The following FBXO43 variants were observed in gnomAD, a reference collection of about 807,000 sequenced individuals.
FBXO43 encodes the protein F-box only protein 43.
FBXO43 carries 22 observed loss-of-function variants against 56.7 expected under a neutral mutation model. The observed-to-expected ratio is 0.39, with a 90% CI of 0.28 to 0.55. The LOEUF (loss-of-function observed/expected upper bound fraction) is 0.55, where lower values mean the gene tolerates loss of function less well. FBXO43 is among the 20% of genes least tolerant of loss of function. The pLI is 0.66. For synonymous variants in FBXO43, 306 were observed against 294.5 expected (o/e 1.04, Z -0.40); for missense variants, 733 against 814.9 (o/e 0.90, Z 1.22).
intron 1 of FBXO43, among the ~76,000 whole-genome samples, chr8:100,143,333 AT>A (rs1357939982): frequency 2.6e-5 from 4 of 152,224 alleles, no homozygotes; most frequent in Non-Finnish European, 5.9e-5. Context: ...ACAGTAATTT[AT>A]TTATGCTTAA....
intron 1 of FBXO43, 122 bp downstream of exon 1, chr8:100,144,929 C>CA (rs201867301): frequency 0.13 from 115,039 of 869,164 alleles, 742 homozygotes; most frequent in African/African-American, 0.26. Flanking sequence ...GACTCCGTCT[C>CA]AAAAAAAAAA....
At position 100,137,638 on chromosome 8, in the gene FBXO43, T is replaced by C. The variant is rs1223060157; in HGVS notation, c.1601A>G (p.Glu534Gly). 1 of 1,613,218 alleles carries C rather than the reference T, an allele frequency of 6.2e-7. No homozygotes were observed. The highest frequency in any genetic ancestry group is 8.5e-7 in the Non-Finnish European group (1 of 1,179,640). Residue 534 changes from glutamate (E) to glycine (G), a missense_variant, in exon 3 of 5, where the codon GAA becomes GGA. Coordinates refer to ENST00000428847, the MANE Select transcript of FBXO43 (RefSeq NM_001029860.4). ...TGCATTTTTATCTTGAACAACAATT[T>C]CACGCCAATTTCTGCTTACTTTCCA... ...SVWKVSRNWR[E>G]IVVQDKNANR...
chr8:100,150,061 G>C (rs550179211), upstream of FBXO43, among the ~76,000 whole-genome samples: 17 of 152,120 alleles, frequency 1.1e-4, no homozygotes. Flanking sequence ...AGATTTAAGA[G>C]GGAGTTGTTC....
chr8:100,141,061 T>A lies in FBXO43; in HGVS notation c.1193A>T (p.Glu398Val). The change falls in exon 2 of 5, where the codon GAG (glutamate) becomes GTG (valine). Residue 398 changes from glutamate to valine, a missense_variant. Glu to Val is a moderately radical substitution (Grantham distance 121). Transcript: ENST00000428847. ...REQSSQSETEEEKQIVHPDSE... is the reference protein window; with the variant it reads ...REQSSQSETEVEKQIVHPDSE... ...GTCAGGGTGGACAATCTGCTTTTCCTCTTCTGTCTCTGACTGCGAGCTTTG... is the reference window on the plus strand; with the variant it reads ...GTCAGGGTGGACAATCTGCTTTTCCACTTCTGTCTCTGACTGCGAGCTTTG... The A allele has an allele frequency of 6.2e-7, 1 of 1,614,222 alleles. No homozygotes were observed. The highest frequency in any genetic ancestry group is 1.3e-5 in the African/African-American group (1 of 75,058).
rs774405665 is a variant in FBXO43, at chr8:100,141,732, A to T, written c.522T>A (p.Ser174Arg). 4.4e-6 allele frequency: 7 copies of T among 1,598,654 alleles called. No homozygotes were observed. Among genetic ancestry groups the T allele is most frequent in the Non-Finnish European group, 2.6e-6 (3 of 1,171,110 alleles). Residue 174 changes from serine to arginine, a missense_variant, in exon 2 of 5, where the codon AGT becomes AGA. Ser to Arg is a moderately radical substitution (Grantham distance 110). Coordinates refer to ENST00000428847, the MANE Select transcript of FBXO43 (RefSeq NM_001029860.4). ...LLKGDFESQN[S>R]SLESSISQVI... ...CTTGGCTTATACTACTTTCTAAAGA[A>T]CTATTTTGTGATTCAAAGTCCCCTT...
At chr8:100,144,626 A>C (rs1814761736) in intron 1 of FBXO43, among the ~76,000 whole-genome samples, 1 of 144,484 alleles carries the variant, frequency 6.9e-6, no homozygotes, top group Admixed American at 6.8e-5. Context: ...AGTGTTCTTT[A>C]AGAAAAAAAA....
chr8:100,139,249 A>G (rs1193553903), intron 2 of FBXO43, among the ~76,000 whole-genome samples: 2 of 152,106 alleles, frequency 1.3e-5, no homozygotes, highest in Non-Finnish European at 1.5e-5. Flanking sequence ...CATACAATTA[A>G]TGTATGGAGG....
At chr8:100,143,368 T>C (rs1814717311) in intron 1 of FBXO43, among the ~76,000 whole-genome samples, 1 of 152,234 alleles carries the variant, frequency 6.6e-6, no homozygotes, top group African/African-American at 2.4e-5. Context: ...TATGAGTGAA[T>C]GATCTTTGTT....
intron 2 of FBXO43, among the ~76,000 whole-genome samples, chr8:100,138,492 A>T (rs920304329): frequency 2.6e-5 from 4 of 152,198 alleles, no homozygotes; most frequent in Non-Finnish European, 4.4e-5. Flanking sequence ...AAGTCACCCA[A>T]TGATGGGGAA....
Position 100,137,636 on chromosome 8 carries a change from T to C in FBXO43, c.1603A>G (p.Ile535Val). Reference protein sequence around the residue: ...VWKVSRNWREIVVQDKNANRR... With the variant: ...VWKVSRNWREVVVQDKNANRR... ...TTTGCATTTTTATCTTGAACAACAA[T>C]TTCACGCCAATTTCTGCTTACTTTC... is the stretch of plus-strand genomic sequence containing the variant. The change falls in exon 3 of 5, where the codon ATT becomes GTT. Residue 535 changes from isoleucine to valine, a missense_variant. Physicochemically the swap from Ile to Val is conservative, Grantham distance 29. Transcript: ENST00000428847. The C allele has an allele frequency of 6.2e-7, 1 of 1,613,156 alleles. No homozygotes were observed. The highest frequency in any genetic ancestry group is 8.5e-7 in the Non-Finnish European group (1 of 1,179,642).
upstream of FBXO43, among the ~76,000 whole-genome samples, chr8:100,149,467 C>T (rs1475192094): frequency 6.6e-6 from 1 of 152,204 alleles, no homozygotes; most frequent in Non-Finnish European, 1.5e-5. Flanking sequence ...TATTAGATCA[C>T]CTCTTTGGTT....
chr8:100,144,955 A>T, intron 1 of FBXO43, 96 bp downstream of exon 1: 1 of 1,358,446 alleles, frequency 7.4e-7, no homozygotes. Flanking sequence ...AAGAAAAAAG[A>T]AAAAGAAAAA....
At chr8:100,144,942 A>T in intron 1 of FBXO43, 109 bp downstream of exon 1, 2 of 1,290,694 alleles carry the variant, frequency 1.5e-6, no homozygotes, top group Non-Finnish European at 2.1e-6. Context: ...AAAAAAAAAA[A>T]GAAAGAAAAA....
chr8:100,139,878 G>A (rs899052065), intron 2 of FBXO43, among the ~76,000 whole-genome samples: 1 of 152,138 alleles, frequency 6.6e-6, no homozygotes, highest in African/African-American at 2.4e-5. Flanking sequence ...TAAAATGAAA[G>A]CTAACGATTG....
Position 100,141,788 on chromosome 8 carries a change from T to G in FBXO43, c.466A>C (p.Arg156=), listed in dbSNP as rs1349377604. The G allele has an allele frequency of 1.3e-6, 2 of 1,584,658 alleles. No individual in the cohort carries two copies. Among genetic ancestry groups the G allele is most frequent in the Non-Finnish European group, 1.7e-6 (2 of 1,168,110 alleles). ...AGAGCGAAAGATACATTCAACCTTC[T>G]GCGAGGTAAACATTTTTTCCCACTG... is the stretch of plus-strand genomic sequence containing the variant. ...KISGKKCLPR[R]RLNVSFALLK... Residue 156 remains arginine, a synonymous_variant, in exon 2 of 5, where the codon AGA becomes CGA. Coordinates refer to ENST00000428847, the MANE Select transcript of FBXO43 (RefSeq NM_001029860.4).
At chr8:100,142,362 A>G (rs1470256295) in intron 1 of FBXO43, among the ~76,000 whole-genome samples, 194 bp from the exon 2 acceptor site, 3 of 152,238 alleles carry the variant, frequency 2.0e-5, no homozygotes, top group Non-Finnish European at 4.4e-5. Context: ...TCTTGACATC[A>G]CAAAGCCAAA....
intron 2 of FBXO43, 66 bp from the exon 3 acceptor site, chr8:100,137,733 C>A: frequency 8.6e-7 from 1 of 1,156,892 alleles, no homozygotes; most frequent in Non-Finnish European, 1.2e-6. Flanking sequence ...GTTGTATACG[C>A]TAACTAATGA....
At position 100,141,848 on chromosome 8, in the gene FBXO43, C is replaced by T. The variant is rs745750597; in HGVS notation, c.406G>A (p.Asp136Asn). The T allele has an allele frequency of 1.5e-5, 24 of 1,590,994 alleles. No individual in the cohort carries two copies. The East Asian group carries it at 5.1e-4, about 34-fold the overall frequency. ...KKCILPRKEKDKTPELCETPK... is the reference protein window; with the variant it reads ...KKCILPRKEKNKTPELCETPK... Reference sequence around the variant, plus strand: ...GTTTCACAAAGTTCTGGGGTTTTATCCTTTTCCTTTCTAGGCAAGATACAT... The same window carrying T: ...GTTTCACAAAGTTCTGGGGTTTTATTCTTTTCCTTTCTAGGCAAGATACAT... Residue 136 changes from aspartate to asparagine, a missense_variant, in exon 2 of 5, where the codon GAT becomes AAT. Asp to Asn is a conservative substitution (Grantham distance 23, BLOSUM62 1). Transcript: ENST00000428847.
At chr8:100,148,241 A>G (rs13276036), upstream of FBXO43, among the ~76,000 whole-genome samples, 56,951 of 151,636 alleles carry the variant, frequency 0.38, 10,901 homozygotes, top group East Asian at 0.51. Flanking sequence ...GGAGTGAAAG[A>G]CTATATCATA....
Sources: gnomAD v4.1 joint callset for allele counts (sites outside exome capture counted in the v4.1 genomes callset) on GRCh38, gnomAD v4.1.1 for gene constraint, MANE v1.5 for transcripts, NCBI Gene and HGNC (gene_info 2026-07-23, HGNC 2026-07-21) for gene names.